The following RELCH variants were observed in gnomAD, a reference collection of about 807,000 sequenced individuals.
RELCH encodes the protein RAB11 binding and LisH domain, coiled-coil and HEAT repeat containing.
RELCH carries 41 observed loss-of-function variants against 150.3 expected under a neutral mutation model. The observed-to-expected ratio is 0.27, with a 90% CI of 0.21 to 0.35. The LOEUF is 0.35. Ranked by LOEUF, RELCH falls within the 10% of genes least tolerant of loss-of-function variation. The probability of loss-of-function intolerance (pLI) is 1.00; values close to 1 mark genes in which losing one functional copy is unlikely to be tolerated. For missense variants in RELCH, 1,092 were observed against 1,467.8 expected (o/e 0.74, Z 4.18); for synonymous variants, 478 against 531.8 (o/e 0.90, Z 1.39).
At chr18:62,238,246 T>A (rs1398918640) in intron 10 of RELCH, among the ~76,000 whole-genome samples, 1 of 151,980 alleles carries the variant, frequency 6.6e-6, no homozygotes, top group Non-Finnish European at 1.5e-5. Context: ...TTCCTTCTAC[T>A]GGCCTTGGGT....
intron 11 of RELCH, among the ~76,000 whole-genome samples, chr18:62,248,650 G>C (rs1284069962): frequency 1.3e-5 from 2 of 151,952 alleles, no homozygotes; most frequent in African/African-American, 4.8e-5. Flanking sequence ...ATCTTTTAAT[G>C]GTTATGCTTT....
chr18:62,214,722 T>C (rs990200807), intron 2 of RELCH, among the ~76,000 whole-genome samples: 1 of 152,198 alleles, frequency 6.6e-6, no homozygotes, highest in Non-Finnish European at 1.5e-5. Flanking sequence ...CAAAGCTTAC[T>C]GCTTGCACCC....
chr18:62,290,893 GTA>G (rs1253077914), intron 26 of RELCH, among the ~76,000 whole-genome samples: 1 of 152,148 alleles, frequency 6.6e-6, no homozygotes, highest in Non-Finnish European at 1.5e-5. Flanking sequence ...AACTTAAAAT[GTA>G]TATATGTTAT....
In RELCH at chr18:62,274,105, T is replaced by C; in HGVS notation, c.2867+19T>C. The C allele has an allele frequency of 6.5e-7, 1 of 1,528,520 alleles. No individual in the cohort carries two copies. Among genetic ancestry groups the C allele is most frequent in the Non-Finnish European group, 9.1e-7 (1 of 1,103,948 alleles). The allele number at this position is 1,528,520 out of a possible 1,614,324, so 94.7% of individuals were successfully genotyped here. On this transcript the variant is annotated intron_variant, in intron 21 of 28. Transcript: ENST00000644646. The stretch of plus-strand genomic sequence containing the variant: ...AATTGGGGTAAGAAATAACAGCTTA[T>C]AGTTTGCTAAAAGGCATATAAAGTT...
intron 25 of RELCH, among the ~76,000 whole-genome samples, chr18:62,284,053 C>G (rs964735888): frequency 1.3e-5 from 2 of 152,144 alleles, no homozygotes; most frequent in Admixed American, 6.5e-5. Flanking sequence ...TCATGATAAT[C>G]TGGGAAGAAT....
At chr18:62,277,740 T>G (rs62094303) in intron 22 of RELCH, 181,415 of 868,304 alleles carry the variant, frequency 0.21, 20,917 homozygotes, top group Non-Finnish European at 0.23. Context: ...ATCATATTAT[T>G]CCCATTGTTA....
At chr18:62,214,694 G>A (rs1257983047) in intron 2 of RELCH, among the ~76,000 whole-genome samples, 1 of 152,124 alleles carries the variant, frequency 6.6e-6, no homozygotes, top group Non-Finnish European at 1.5e-5. Context: ...TACAGAGTCA[G>A]CACCACAAGG....
intron 24 of RELCH, among the ~76,000 whole-genome samples, chr18:62,281,685 A>C (rs1347655117): frequency 7.2e-5 from 11 of 152,220 alleles, no homozygotes; most frequent in Admixed American, 7.2e-4. Flanking sequence ...TACCCAAAAG[A>C]AAAAAGTTTT....
chr18:62,273,963 G>C lies in RELCH; in HGVS notation c.2761-17G>C. 1 of 1,466,886 alleles carries C rather than the reference G, an allele frequency of 6.8e-7. No individual in the cohort carries two copies. The highest frequency in any genetic ancestry group is 2.3e-5 in the East Asian group (1 of 43,944). The allele number at this position is 1,466,886 out of a possible 1,614,324, so 90.9% of individuals were successfully genotyped here. ...TTGATTGTTTGGAAATTCAGTATCA[G>C]TATTTTTCCTCTGTAGGAAGAAGAC... On this transcript the variant is annotated splice_polypyrimidine_tract_variant and intron_variant, in intron 20 of 28. Coordinates refer to ENST00000644646, the MANE Select transcript of RELCH (RefSeq NM_001346231.2).
intron 22 of RELCH, among the ~76,000 whole-genome samples, chr18:62,276,100 C>G (rs1477601494): frequency 1.3e-5 from 2 of 151,980 alleles, no homozygotes; most frequent in African/African-American, 4.8e-5. Flanking sequence ...ATGTCATAGC[C>G]CTAGTATGTG....
intron 25 of RELCH, 131 bp downstream of exon 25, chr18:62,282,575 CTTGTGTACTCTTGTGTACTGAAAGCT>C: frequency 1.3e-6 from 1 of 759,152 alleles, no homozygotes; most frequent in South Asian, 1.6e-5. Context: ...TACTGAAAGC[CTTGTGTACTCTTGTGTACTGAAAGCT>C]AAACATGAAA....
chr18:62,231,139 T>C, intron 8 of RELCH, 55 bp from the exon 9 acceptor site: 1 of 1,169,212 alleles, frequency 8.6e-7, no homozygotes, highest in Non-Finnish European at 1.3e-6. Flanking sequence ...AATTTCTCCT[T>C]AAATGTCAAT....
chr18:62,257,367 C>T (rs1161552212), intron 13 of RELCH, among the ~76,000 whole-genome samples: 1 of 152,028 alleles, frequency 6.6e-6, no homozygotes, highest in Non-Finnish European at 1.5e-5. Flanking sequence ...AAAGTTCACT[C>T]TCTTATTTTA....
At chr18:62,248,962 G>T (rs1326518183) in intron 11 of RELCH, among the ~76,000 whole-genome samples, 3 of 152,156 alleles carry the variant, frequency 2.0e-5, no homozygotes, top group African/African-American at 4.8e-5. Context: ...AGCTGTACAA[G>T]TAGGGACTTG....
intron 22 of RELCH, among the ~76,000 whole-genome samples, chr18:62,279,079 T>C (rs2044366110): frequency 6.6e-6 from 1 of 152,160 alleles, no homozygotes; most frequent in Non-Finnish European, 1.5e-5. Context: ...TAGATAATAA[T>C]ATCACCATTT....
At chr18:62,278,060 T>C (rs1371321423) in intron 22 of RELCH, 1 of 153,842 alleles carries the variant, frequency 6.5e-6, no homozygotes, top group African/African-American at 2.4e-5. Context: ...AGTGAAAAGA[T>C]CAAATGATAT....
chr18:62,258,340 C>G (rs2043089926), intron 14 of RELCH, among the ~76,000 whole-genome samples, 172 bp from the exon 15 acceptor site: 1 of 151,966 alleles, frequency 6.6e-6, no homozygotes, highest in Admixed American at 6.6e-5. Flanking sequence ...ACCACTCCCT[C>G]TCTTTGGTTT....
chr18:62,265,609 C>A (rs1049851392), intron 18 of RELCH, among the ~76,000 whole-genome samples: 2 of 151,842 alleles, frequency 1.3e-5, no homozygotes, highest in Non-Finnish European at 2.9e-5. Context: ...ACTATTAAAT[C>A]TATAGTTGAA....
chr18:62,268,683 A>G (rs1026404918), intron 19 of RELCH, 186 bp from the exon 20 acceptor site: 3 of 339,574 alleles, frequency 8.8e-6, no homozygotes, highest in Non-Finnish European at 1.6e-5. Flanking sequence ...TGTTTATGCT[A>G]GTGGCTCTTC....
Sources: gnomAD v4.1 joint callset for allele counts (sites outside exome capture counted in the v4.1 genomes callset) on GRCh38, gnomAD v4.1.1 for gene constraint, MANE v1.5 for transcripts, NCBI Gene and HGNC (gene_info 2026-07-23, HGNC 2026-07-21) for gene names.